RBFOX1: variants seen among roughly 807,000 people sequenced by gnomAD.
RBFOX1 encodes RNA binding fox-1 homolog 1.
RBFOX1 carries 8 observed loss-of-function variants against 57.7 expected under a neutral mutation model. The observed-to-expected ratio is 0.14, with a 90% CI of 0.08 to 0.25. The LOEUF (loss-of-function observed/expected upper bound fraction) is 0.25. Among genes scored for constraint, RBFOX1 ranks in the 10% least tolerant of loss-of-function variants. RBFOX1 has a pLI of 1.00. For synonymous variants in RBFOX1, 326 were observed against 222.4 expected, an observed-to-expected ratio of 1.47 and a Z score of -4.15; for missense variants, 611 against 548.5, an observed-to-expected ratio of 1.11 and a Z score of -1.14.
chr16:6,793,043 A>G (rs2083276330), intron 3 of RBFOX1, among the ~76,000 whole-genome samples: 1 of 151,320 alleles, frequency 6.6e-6, no homozygotes, highest in African/African-American at 2.4e-5. Context: ...AAAAAAAAAA[A>G]TAGAAGCGAT....
chr16:7,363,183 A>C (rs1427776820), intron 4 of RBFOX1, among the ~76,000 whole-genome samples: 1 of 152,152 alleles, frequency 6.6e-6, no homozygotes, highest in East Asian at 1.9e-4. Flanking sequence ...ACAGAACTGC[A>C]CAACGGATTG....
At chr16:5,968,489 C>T (rs1055332881) in intron 4 of RBFOX1, among the ~76,000 whole-genome samples, 3 of 152,144 alleles carry the variant, frequency 2.0e-5, no homozygotes, top group African/African-American at 7.2e-5. Context: ...ATGTAGAACA[C>T]GTGGGTCACT....
intron 3 of RBFOX1, among the ~76,000 whole-genome samples, chr16:5,635,098 AC>A (rs1246969747): frequency 2.0e-5 from 3 of 152,188 alleles, no homozygotes; most frequent in Admixed American, 6.5e-5. Flanking sequence ...GGGAACTAAT[AC>A]AGTGTATCAC....
chr16:5,844,006 C>G (rs1273907286), intron 3 of RBFOX1, among the ~76,000 whole-genome samples: 1 of 152,156 alleles, frequency 6.6e-6, no homozygotes, highest in East Asian at 1.9e-4. Flanking sequence ...ATTTGGGAAA[C>G]TGAGGGAGGT....
intron 2 of RBFOX1, among the ~76,000 whole-genome samples, chr16:5,562,503 G>GT (rs200883639): frequency 1.1e-5 from 1 of 93,226 alleles, no homozygotes; most frequent in Non-Finnish European, 2.5e-5. Flanking sequence ...AGGAGAAGAA[G>GT]GGGGAGGACC....
rs150548807 is a variant in RBFOX1 at position 5,453,573 on chromosome 16, A to G, written c.220-13643A>G. Among the ~76,000 whole-genome samples the G allele has an allele frequency of 2.4e-3, 366 of 152,278 alleles. 3 individuals are homozygous for G. Among genetic ancestry groups the G allele is most frequent in the African/African-American group, 8.2e-3 (339 of 41,566 alleles). On this transcript the variant is annotated intron_variant, in intron 1 of 2. Transcript: ENST00000585867. ...GTTGTTCTGCCTTGGCTCAGAAGCT[A>G]CATGCATCATAGGAGTCAATATATC...
rs997168328 is a variant in RBFOX1, at chr16:6,913,070, C to G, written c.-15-138987C>G. Among the ~76,000 whole-genome samples, 7 of 152,148 alleles carry G rather than the reference C, an allele frequency of 4.6e-5. No individual in the cohort carries two copies. The South Asian group carries it at 1.5e-3, about 32-fold the overall frequency. On this transcript the variant is annotated intron_variant, in intron 3 of 15. Coordinates refer to ENST00000550418, the MANE Select transcript of RBFOX1 (RefSeq NM_018723.4). ...GTGGAAAAGAACTTGGAAAGGGCCC[C>G]AGGCAGGAAAACCATTATGGAAGCA... is the stretch of plus-strand genomic sequence containing the variant.
In RBFOX1 at chr16:7,060,100, A is replaced by C. The variant is rs756389243; in HGVS notation, c.27+8002A>C. Among the ~76,000 whole-genome samples, 6 of 152,288 alleles carry C rather than the reference A, an allele frequency of 3.9e-5. 1 individual carries two copies. In the Middle Eastern group the frequency reaches 0.01, roughly 259 times the overall value. On this transcript the variant is annotated intron_variant, in intron 4 of 15. Coordinates refer to ENST00000550418, the MANE Select transcript of RBFOX1 (RefSeq NM_018723.4). Reference sequence around the variant, plus strand: ...TAATCAAACCCAGAATTGATACCATAGAGTTAACAAACTTTAAACTTTTTC... The same window carrying C: ...TAATCAAACCCAGAATTGATACCATCGAGTTAACAAACTTTAAACTTTTTC...
rs1041923127 is a variant in RBFOX1 at position 5,538,250 on chromosome 16, A to G, written c.259-60652A>G. On this transcript the variant is annotated intron_variant, in intron 2 of 2. Transcript: ENST00000585867. The stretch of plus-strand genomic sequence containing the variant: ...TCAAATGACACCTCTTACACTTGAT[A>G]TTGAAAAAGTCAATAAGCCCTTTGA... Among the ~76,000 whole-genome samples, 4 of 152,360 alleles carry G rather than the reference A, an allele frequency of 2.6e-5. No homozygotes were observed. The East Asian group carries it at 5.8e-4, about 22-fold the overall frequency.
intron 4 of RBFOX1, among the ~76,000 whole-genome samples, chr16:7,119,233 A>C (rs1330483456): frequency 6.6e-6 from 1 of 152,156 alleles, no homozygotes; most frequent in African/African-American, 2.4e-5. Flanking sequence ...ACAAGGCAGT[A>C]ATTTTTTTGT....
chr16:5,816,170 G>A (rs2055627155), intron 3 of RBFOX1, among the ~76,000 whole-genome samples: 1 of 152,152 alleles, frequency 6.6e-6, no homozygotes, highest in African/African-American at 2.4e-5. Context: ...CCTTAAAGAT[G>A]CTCCTCATCC....
intron 2 of RBFOX1, among the ~76,000 whole-genome samples, chr16:6,611,142 G>T (rs1601476013): frequency 6.6e-6 from 1 of 152,044 alleles, no homozygotes; most frequent in South Asian, 2.1e-4. Context: ...AATAGTCTTT[G>T]TGTAGTTATT....
chr16:6,563,003 G>C (rs75345498), intron 2 of RBFOX1, among the ~76,000 whole-genome samples: 2 of 149,388 alleles, frequency 1.3e-5, no homozygotes, highest in African/African-American at 2.5e-5. Flanking sequence ...AAGCTTACCA[G>C]CATGTTTTAT....
At chr16:7,199,100 A>T (rs2087582096) in intron 4 of RBFOX1, among the ~76,000 whole-genome samples, 1 of 152,200 alleles carries the variant, frequency 6.6e-6, no homozygotes, top group South Asian at 2.1e-4. Flanking sequence ...CAGAGGAAGA[A>T]CACAGGCTGC....
At chr16:7,182,839 T>C (rs2082992389) in intron 4 of RBFOX1, among the ~76,000 whole-genome samples, 1 of 152,206 alleles carries the variant, frequency 6.6e-6, no homozygotes, top group Admixed American at 6.5e-5. Flanking sequence ...CCTGAGTTTT[T>C]TATGGCAATT....
At chr16:6,614,336 T>C (rs1452542014) in intron 2 of RBFOX1, among the ~76,000 whole-genome samples, 1 of 152,202 alleles carries the variant, frequency 6.6e-6, no homozygotes, top group African/African-American at 2.4e-5. Context: ...TCTTTAAATA[T>C]CATGCCAGGT....
intron 4 of RBFOX1, among the ~76,000 whole-genome samples, chr16:7,280,943 G>C (rs1463801856): frequency 6.9e-6 from 1 of 145,532 alleles, no homozygotes; most frequent in South Asian, 2.4e-4. Flanking sequence ...AATTGCATGT[G>C]ATTCCCTACC....
At chr16:5,736,961 C>G (rs956180109) in intron 3 of RBFOX1, among the ~76,000 whole-genome samples, 3 of 150,830 alleles carry the variant, frequency 2.0e-5, no homozygotes, top group Admixed American at 6.6e-5. Context: ...TCCTGGCCCC[C>G]TCTCACTTTA....
intron 2 of RBFOX1, among the ~76,000 whole-genome samples, chr16:5,597,539 A>G (rs2047227056): frequency 6.6e-6 from 1 of 151,488 alleles, no homozygotes; most frequent in Non-Finnish European, 1.5e-5. Flanking sequence ...AGCTGAGATT[A>G]CAGGTGCCCG....
Sources: allele counts gnomAD v4.1 joint callset (sites outside exome capture counted in the v4.1 genomes callset), GRCh38; gene constraint gnomAD v4.1.1; transcripts MANE v1.5; gene names NCBI Gene and HGNC (gene_info 2026-07-23, HGNC 2026-07-21).